The following EZH2 variants were observed in gnomAD, a reference collection of about 807,000 sequenced individuals.
EZH2 encodes the protein histone-lysine N-methyltransferase EZH2.
In EZH2, 18 loss-of-function variants were observed where a neutral mutation model predicts 98.4. The observed-to-expected ratio is 0.18, with a 90% confidence interval of 0.13 to 0.27. The LOEUF is 0.27. Among genes scored for constraint, EZH2 ranks in the 10% least tolerant of loss-of-function variants. The pLI is 1.00. For missense variants in EZH2, 470 were observed against 935.1 expected (o/e 0.50, Z 6.49); for synonymous variants, 338 against 312.3 (o/e 1.08, Z -0.87).
At position 148,807,635 on chromosome 7, in the gene EZH2, G is replaced by C; in HGVS notation, c.*11C>G. On this transcript the variant is annotated 3_prime_UTR_variant, in exon 20 of 20. Transcript: ENST00000320356. ...AGCTGTTTCAGAGGAGGGGGGAGGAGGTAGCAGATGTCAAGGGATTTCCAT... is the reference window on the plus strand; with the variant it reads ...AGCTGTTTCAGAGGAGGGGGGAGGACGTAGCAGATGTCAAGGGATTTCCAT... The C allele has an allele frequency of 6.3e-7, 1 of 1,590,762 alleles. No individual in the cohort carries two copies. Among genetic ancestry groups the C allele is most frequent in the Non-Finnish European group, 8.6e-7 (1 of 1,167,144 alleles).
At position 148,829,857 on chromosome 7, in the gene EZH2, A is replaced by C. The variant is rs758741569; in HGVS notation, c.364-9T>G. ...ACAGTTTCATCTTCCACCTAAAAGA[A>C]AAAAATATATTTAAAAAGCAGGTTT... On this transcript the variant is annotated splice_polypyrimidine_tract_variant and intron_variant, in intron 4 of 19. Coordinates refer to ENST00000320356, the MANE Select transcript of EZH2 (RefSeq NM_004456.5). 2.6e-6 allele frequency: 4 copies of C among 1,540,930 alleles called. No individual in the cohort carries two copies. In the East Asian group the frequency reaches 9.1e-5, roughly 35 times the overall value.
intron 15 of EZH2, among the ~76,000 whole-genome samples, chr7:148,813,530 T>A (rs913889229): frequency 2.0e-5 from 3 of 151,920 alleles, no homozygotes; most frequent in African/African-American, 7.3e-5. Context: ...ATGGGAAATT[T>A]CATCTTTTAC....
At chr7:148,844,512 A>G (rs765237446) in intron 3 of EZH2, among the ~76,000 whole-genome samples, 5 of 152,230 alleles carry the variant, frequency 3.3e-5, no homozygotes, top group Non-Finnish European at 7.4e-5. Context: ...TCAGAGTTCT[A>G]TGCAACAAAA....
chr7:148,846,577 G>C lies in EZH2; in HGVS notation c.139C>G (p.Gln47Glu), dbSNP rs972308238. The change falls in exon 3 of 20, where the codon CAG becomes GAG. Residue 47 changes from glutamine (Q) to glutamate (E), a missense_variant. This residue lies in a region of EZH2 where 79 missense variants were observed against 122.1 expected (regional missense o/e 0.65). Transcript: ENST00000320356. ...EVKSMFSSNR[Q>E]KILERTEILN... ...ATTTCCGTTCTTTCCAAAATTTTCT[G>C]ACGATTGGAACTAAACATACTCTTA... The C allele has an allele frequency of 5.0e-6, 8 of 1,607,728 alleles. No individual in the cohort carries two copies. In the Admixed American group the frequency reaches 1.4e-4, roughly 27 times the overall value.
chr7:148,813,947 C>T lies in EZH2; in HGVS notation c.1851+12G>A, dbSNP rs1803874326. The T allele has an allele frequency of 1.0e-5, 16 of 1,607,322 alleles. No homozygotes were observed. In the East Asian group the frequency reaches 3.4e-4, roughly 34 times the overall value. ...ACTACAAACAATCTTCCAGAAGTGACTTGTTGCTCACCTTTTTGGAGCCCC... is the reference window on the plus strand; with the variant it reads ...ACTACAAACAATCTTCCAGAAGTGATTTGTTGCTCACCTTTTTGGAGCCCC... On this transcript the variant is annotated intron_variant, in intron 15 of 19. Transcript: ENST00000320356.
intron 1 of EZH2, among the ~76,000 whole-genome samples, chr7:148,871,577 CTTTT>C (rs376098406): frequency 2.2e-5 from 3 of 135,238 alleles, no homozygotes. Context: ...AGTGTATTTT[CTTTT>C]TTTTTTTTTT....
intron 1 of EZH2, among the ~76,000 whole-genome samples, chr7:148,878,579 G>T (rs1227253943): frequency 6.6e-6 from 1 of 152,036 alleles, no homozygotes; most frequent in African/African-American, 2.4e-5. Flanking sequence ...TCGCCTGTTG[G>T]CAGACACAAG....
At chr7:148,839,166 C>T (rs919476970) in intron 3 of EZH2, among the ~76,000 whole-genome samples, 3 of 152,032 alleles carry the variant, frequency 2.0e-5, no homozygotes, top group African/African-American at 4.8e-5. Flanking sequence ...TCAGGTCTTG[C>T]TCGAGTGGTA....
intron 1 of EZH2, among the ~76,000 whole-genome samples, chr7:148,875,120 G>A (rs904602510): frequency 3.3e-5 from 5 of 152,032 alleles, no homozygotes; most frequent in Non-Finnish European, 7.4e-5. Context: ...TTCAAAACTA[G>A]TTTAATTAAA....
chr7:148,877,754 G>A (rs1442591627), intron 1 of EZH2, among the ~76,000 whole-genome samples: 2 of 152,166 alleles, frequency 1.3e-5, no homozygotes, highest in African/African-American at 4.8e-5. Context: ...CCTTTAGTCT[G>A]TCTAGGGTTT....
chr7:148,853,548 T>C (rs1374722826), intron 1 of EZH2, among the ~76,000 whole-genome samples: 2 of 152,248 alleles, frequency 1.3e-5, no homozygotes, highest in Non-Finnish European at 2.9e-5. Flanking sequence ...CACCTCCTGC[T>C]GTACAGCCCA....
At chr7:148,838,202 G>A (rs1399216206) in intron 3 of EZH2, among the ~76,000 whole-genome samples, 1 of 151,364 alleles carries the variant, frequency 6.6e-6, no homozygotes, top group Non-Finnish European at 1.5e-5. Flanking sequence ...CCGAGTAGCT[G>A]GGACTACAAG....
chr7:148,835,376 T>C (rs1405303504), intron 3 of EZH2, among the ~76,000 whole-genome samples: 2 of 146,162 alleles, frequency 1.4e-5, no homozygotes, highest in Non-Finnish European at 3.0e-5. Context: ...TAAGTTGTGA[T>C]CAGCACCACT....
chr7:148,832,172 T>C (rs1809566476), intron 4 of EZH2, among the ~76,000 whole-genome samples: 2 of 152,308 alleles, frequency 1.3e-5, no homozygotes, highest in Non-Finnish European at 2.9e-5. Flanking sequence ...CACTACAACC[T>C]CCGCCTCCCT....
Position 148,810,865 on chromosome 7 carries a change from C to T in EZH2, c.1948-451G>A, listed in dbSNP as rs546919069. 5.2e-5 allele frequency among the ~76,000 whole-genome samples: 7 copies of T among 135,844 alleles called. No individual in the cohort carries two copies. The South Asian group carries it at 7.0e-4, about 13-fold the overall frequency. The allele number at this position is 135,844 out of a possible 152,430, so 89.1% of individuals were successfully genotyped here. ...GAGCCAAAATCACGCCATTGCACTC[C>T]GGCCTGGGCAACAAGAGCGAAACTC... On this transcript the variant is annotated intron_variant, in intron 16 of 19. Transcript: ENST00000320356.
At chr7:148,879,190 A>T (rs538602080) in intron 1 of EZH2, among the ~76,000 whole-genome samples, 1 of 152,144 alleles carries the variant, frequency 6.6e-6, no homozygotes. Context: ...ACGCCACTGC[A>T]CTCCAGCCTG....
intron 9 of EZH2, 64 bp from the exon 10 acceptor site, chr7:148,818,181 A>C (rs1805094482): frequency 2.7e-6 from 4 of 1,489,852 alleles, no homozygotes; most frequent in Admixed American, 2.4e-5. Context: ...GGAAGAGAAA[A>C]AAAAATACTA....
chr7:148,869,310 T>G (rs1818977234), intron 1 of EZH2, among the ~76,000 whole-genome samples: 2 of 147,046 alleles, frequency 1.4e-5, no homozygotes. Flanking sequence ...GTATTTGCAC[T>G]AAAAAGGACC....
At chr7:148,825,419 T>C (rs1483967318) in intron 8 of EZH2, among the ~76,000 whole-genome samples, 1 of 152,260 alleles carries the variant, frequency 6.6e-6, no homozygotes, top group Non-Finnish European at 1.5e-5. Flanking sequence ...AGTTTTTCTA[T>C]TTTAAGATAA....
Sources: gnomAD v4.1 joint callset for allele counts (sites outside exome capture counted in the v4.1 genomes callset) on GRCh38, gnomAD v4.1.1 for gene constraint, gnomAD v4.1.1 regional missense constraint, MANE v1.5 for transcripts, NCBI Gene and HGNC (gene_info 2026-07-23, HGNC 2026-07-21) for gene names.